Variants in CELSR1 observed in about 807,000 individuals in gnomAD.
CELSR1 encodes cadherin EGF LAG seven-pass G-type receptor 1, also known as adhesion G protein-coupled receptor C1.
In CELSR1, 110 loss-of-function variants were observed where a neutral mutation model predicts 249.1. That is an observed-to-expected ratio of 0.44 (90% CI 0.38 to 0.52). The LOEUF is 0.52. Ranked by LOEUF, CELSR1 falls within the 20% of genes least tolerant of loss-of-function variation. The probability of loss-of-function intolerance (pLI) is 0.00; values close to 1 mark genes in which losing one functional copy is unlikely to be tolerated. For missense variants in CELSR1, 4,109 were observed against 4,296.4 expected (o/e 0.96, Z 1.22); for synonymous variants, 2,113 against 1,900.0 (o/e 1.11, Z -2.92).
chr22:46,452,580 C>T lies in CELSR1; in HGVS notation c.4183+11127G>A, dbSNP rs916646425. Among the ~76,000 whole-genome samples, 4 of 152,226 alleles carry T rather than the reference C, an allele frequency of 2.6e-5. No individual in the cohort carries two copies. In the East Asian group the frequency reaches 5.8e-4, roughly 22 times the overall value. On this transcript the variant is annotated intron_variant, in intron 2 of 34. Transcript: ENST00000674500. ...CCCCAGCACCAACCTGGGTACAGAA[C>T]CCCATCTCGACTCCCCCTGCAGGGC...
Position 46,446,167 on chromosome 22 carries a change from C to A in CELSR1, c.4184-6756G>T, listed in dbSNP as rs924449556. 6.6e-6 allele frequency among the ~76,000 whole-genome samples: 1 copy of A among 152,224 alleles called. No individual in the cohort carries two copies. Among genetic ancestry groups the A allele is most frequent in the South Asian group, 2.1e-4 (1 of 4,832 alleles). On this transcript the variant is annotated intron_variant, in intron 2 of 34. Coordinates refer to ENST00000674500, the MANE Select transcript of CELSR1 (RefSeq NM_001378328.1). This position sits in a 1 kb window ranked among gnomAD's most constrained non-coding sequence, Gnocchi z 5.5. ...CATACTCACGAGCCTGTGCCGGCCC[C>A]ACTGTCTCCCTCCTCCCAGGGCAGC...
At position 46,534,476 on chromosome 22, in the gene CELSR1, C is replaced by T. The variant is rs749219554; in HGVS notation, c.2695G>A (p.Gly899Ser). ...GGTGGAGCATCCTCAAAGATGGAAC[C>T]CTGGTAGAAATCCCACAGGAACTGG... is the stretch of plus-strand genomic sequence containing the variant. ...APQFLWDFYQ[G>S]SIFEDAPPST... The change falls in exon 1 of 35, where the codon GGT (glycine) becomes AGT (serine). Residue 899 changes from glycine (G) to serine (S), a missense_variant. Gly to Ser is a moderately conservative substitution (Grantham distance 56). Around this residue, in one of 7 missense-constraint regions of CELSR1, gnomAD observed 886 missense variants for 896.5 expected, o/e 0.99. Coordinates refer to ENST00000674500, the MANE Select transcript of CELSR1 (RefSeq NM_001378328.1). This position sits in a 1 kb window ranked among gnomAD's most constrained non-coding sequence, Gnocchi z 9.7. 1.9e-6 allele frequency: 3 copies of T among 1,613,182 alleles called. No homozygotes were observed. The highest frequency in any genetic ancestry group is 3.3e-5 in the Admixed American group (2 of 60,012).
chr22:46,401,892 G>A lies in CELSR1; in HGVS notation c.5227-1990C>T, dbSNP rs766354331. ...ACCTGAGGTCAGGAGTTTGAGACCA[G>A]CCTGACCAACAAGGTGAAACCCCAT... is the stretch of plus-strand genomic sequence containing the variant. On this transcript the variant is annotated intron_variant, in intron 9 of 34. Coordinates refer to ENST00000674500, the MANE Select transcript of CELSR1 (RefSeq NM_001378328.1). This position sits in a 1 kb window ranked among gnomAD's most constrained non-coding sequence, Gnocchi z 4.7. Among the ~76,000 whole-genome samples the A allele has an allele frequency of 6.6e-6, 1 of 152,000 alleles. No homozygotes were observed. The highest frequency in any genetic ancestry group is 6.5e-5 in the Admixed American group (1 of 15,272).
intron 13 of CELSR1, 94 bp from the exon 14 acceptor site, chr22:46,394,356 A>G: frequency 6.9e-7 from 1 of 1,450,806 alleles, no homozygotes; most frequent in Non-Finnish European, 9.3e-7. Context: ...ATGGTTGCCC[A>G]GGAGGCCTGG....
intron 26 of CELSR1, among the ~76,000 whole-genome samples, 165 bp from the exon 27 acceptor site, chr22:46,369,423 C>G (rs1181010300): frequency 6.6e-6 from 1 of 152,248 alleles, no homozygotes; most frequent in Non-Finnish European, 1.5e-5. Context: ...CACTGCCCCA[C>G]AGCGCCCACC....
At chr22:46,452,904 TC>T (rs1486625471) in intron 2 of CELSR1, among the ~76,000 whole-genome samples, 28 of 152,232 alleles carry the variant, frequency 1.8e-4, no homozygotes, top group Non-Finnish European at 1.8e-4. Flanking sequence ...TAGTTGCTTT[TC>T]TCCAGGGGCC....
At chr22:46,531,592 G>C (rs1027003950) in intron 1 of CELSR1, among the ~76,000 whole-genome samples, 13 of 152,218 alleles carry the variant, frequency 8.5e-5, no homozygotes, top group Non-Finnish European at 1.6e-4. Context: ...AAGGAAGAGA[G>C]GGGAATGCGA....
In CELSR1 at chr22:46,409,777, G is replaced by A. The variant is rs754094473; in HGVS notation, c.5037C>T (p.Phe1679=). 7 of 1,613,716 alleles carry A rather than the reference G, an allele frequency of 4.3e-6. No individual in the cohort carries two copies. The highest frequency in any genetic ancestry group is 2.7e-5 in the African/African-American group (2 of 75,042). Residue 1679 remains phenylalanine, a synonymous_variant, in exon 8 of 35, where the codon TTC becomes TTT. Coordinates refer to ENST00000674500, the MANE Select transcript of CELSR1 (RefSeq NM_001378328.1). The surrounding 1 kb of genome is among the most constrained non-coding windows in gnomAD (Gnocchi z 9.8). The part of the protein sequence containing the change: ...NMYLCECPLR[F]GGKNCEQAMP... ...CACCTTGCTCACAGTTCTTCCCGCCGAATCGGAGTGGACACTCACACAGAT... is the reference window on the plus strand; with the variant it reads ...CACCTTGCTCACAGTTCTTCCCGCCAAATCGGAGTGGACACTCACACAGAT...
chr22:46,411,905 CCCCAAACTAGCTGTGCTGGGCTG>C lies in CELSR1; in HGVS notation c.4612-169_4612-147del. 1 of 983,310 alleles carries C rather than the reference CCCCAAACTAGCTGTGCTGGGCTG, an allele frequency of 1.0e-6. No individual in the cohort carries two copies. The highest frequency in any genetic ancestry group is 1.5e-6 in the Non-Finnish European group (1 of 654,570). 60.9% of individuals were successfully genotyped at this position (983,310 alleles called of 1,614,324 possible). A position where few individuals can be genotyped will look rare whatever the true frequency, so the allele number is the denominator to read the frequency against. ...GATGAGGAGCCCCCGGCCTTTAGTT[CCCCAAACTAGCTGTGCTGGGCTG>C]CTCAATGCCCCCTCAAGTTCTGCTT... On this transcript the variant is annotated intron_variant, in intron 5 of 34. Transcript: ENST00000674500. The surrounding 1 kb of genome is among the most constrained non-coding windows in gnomAD (Gnocchi z 4.2).
chr22:46,439,480 C>T (rs117980302), intron 2 of CELSR1, 69 bp from the exon 3 acceptor site: 26,684 of 1,353,594 alleles, frequency 0.02, 339 homozygotes, highest in South Asian at 0.026. Context: ...ACGAGCCTGT[C>T]GCAGACCCTG....
chr22:46,460,655 C>T lies in CELSR1; in HGVS notation c.4183+3052G>A, dbSNP rs116071450. ...GGGTTGTTTAGGACTCTCTGCAGAG[C>T]GGAGAAACTGGGAGGCCATCCCAGG... On this transcript the variant is annotated intron_variant, in intron 2 of 34. Transcript: ENST00000674500. 2.9e-3 allele frequency among the ~76,000 whole-genome samples: 444 copies of T among 152,268 alleles called. 2 individuals are homozygous for T. The highest frequency in any genetic ancestry group is 0.01 in the African/African-American group (417 of 41,548).
intron 1 of CELSR1, among the ~76,000 whole-genome samples, chr22:46,469,984 AGGG>A (rs2080137995): frequency 1.5e-5 from 2 of 130,200 alleles, no homozygotes; most frequent in African/African-American, 2.8e-5. Context: ...AGGGAGGAGG[AGGG>A]GAGGGAGGGA....
chr22:46,397,508 G>C (rs9615984), intron 12 of CELSR1, among the ~76,000 whole-genome samples, 166 bp downstream of exon 12: 1 of 152,076 alleles, frequency 6.6e-6, no homozygotes. Flanking sequence ...AAGAGGCTCA[G>C]AGTCTCTCTC....
intron 1 of CELSR1, among the ~76,000 whole-genome samples, chr22:46,523,277 C>T (rs1342129073): frequency 6.6e-6 from 1 of 152,192 alleles, no homozygotes; most frequent in East Asian, 1.9e-4. Flanking sequence ...GCCTGTAATC[C>T]CAGCACTTTG....
intron 30 of CELSR1, among the ~76,000 whole-genome samples, chr22:46,366,148 T>G (rs1602021651): frequency 1.9e-4 from 1 of 5,168 alleles, no homozygotes. Context: ...AAAAGGTTGG[T>G]TGGGGGAAGT....
At position 46,434,859 on chromosome 22, in the gene CELSR1, T is replaced by C. The variant is rs952304398; in HGVS notation, c.4522+1315A>G. On this transcript the variant is annotated intron_variant, in intron 4 of 34. Transcript: ENST00000674500. The surrounding 1 kb of genome is among the most constrained non-coding windows in gnomAD (Gnocchi z 4.9). ...TAAAAATACAAAAATTAGCCGGGCA[T>C]GGTGAAACGTGCCTGTATTCCCAGC... Among the ~76,000 whole-genome samples, 1 of 152,072 alleles carries C rather than the reference T, an allele frequency of 6.6e-6. No individual in the cohort carries two copies. Among genetic ancestry groups the C allele is most frequent in the Non-Finnish European group, 1.5e-5 (1 of 68,018 alleles).
Position 46,391,432 on chromosome 22 carries a change from ATGTCAGAGCTGGAGAGGGGTG to A in CELSR1, c.6149-166_6149-146del. The A allele has an allele frequency of 1.1e-6, 1 of 892,320 alleles. No individual in the cohort carries two copies. The highest frequency in any genetic ancestry group is 1.7e-5 in the South Asian group (1 of 58,958). 55.3% of individuals were successfully genotyped at this position (892,320 alleles called of 1,614,324 possible). On this transcript the variant is annotated intron_variant, in intron 15 of 34. Transcript: ENST00000674500. The surrounding 1 kb of genome is among the most constrained non-coding windows in gnomAD (Gnocchi z 4.3). Reference sequence around the variant, plus strand: ...CCTAGCATCTCCCCTGCCCCCATCCATGTCAGAGCTGGAGAGGGGTGACCAGGCTCTGACCCACACCCCCTC... The same window carrying A: ...CCTAGCATCTCCCCTGCCCCCATCCAACCAGGCTCTGACCCACACCCCCTC...
rs562705089 is a variant in CELSR1 at position 46,395,656 on chromosome 22, G to A, written c.5843+949C>T. On this transcript the variant is annotated intron_variant, in intron 13 of 34. Coordinates refer to ENST00000674500, the MANE Select transcript of CELSR1 (RefSeq NM_001378328.1). This position sits in a 1 kb window ranked among gnomAD's most constrained non-coding sequence, Gnocchi z 5.5. Reference sequence around the variant, plus strand: ...TCATGGGGTCACAGCCGGGATCACAGCACCTGCTCTAGGCTCGGGAGGACA... The same window carrying A: ...TCATGGGGTCACAGCCGGGATCACAACACCTGCTCTAGGCTCGGGAGGACA... Among the ~76,000 whole-genome samples the A allele has an allele frequency of 1.3e-5, 2 of 152,326 alleles. No homozygotes were observed. Among genetic ancestry groups the A allele is most frequent in the South Asian group, 2.1e-4 (1 of 4,828 alleles).
rs935927201 is a variant in CELSR1, at chr22:46,407,056, C to T, written c.5226+1940G>A. Among the ~76,000 whole-genome samples, 3 of 152,172 alleles carry T rather than the reference C, an allele frequency of 2.0e-5. No individual in the cohort carries two copies. In the South Asian group the frequency reaches 6.2e-4, roughly 31 times the overall value. On this transcript the variant is annotated intron_variant, in intron 9 of 34. Transcript: ENST00000674500. This position sits in a 1 kb window ranked among gnomAD's most constrained non-coding sequence, Gnocchi z 4.8. Reference sequence around the variant, plus strand: ...AGGGTGAGTGTTCCCGTGTGGCCGACCCCAAGGCAGGAGAGGAGGCTAACC... The same window carrying T: ...AGGGTGAGTGTTCCCGTGTGGCCGATCCCAAGGCAGGAGAGGAGGCTAACC...
Sources: allele counts gnomAD v4.1 joint callset (sites outside exome capture counted in the v4.1 genomes callset), GRCh38; gene constraint gnomAD v4.1.1; regional missense constraint gnomAD v4.1.1; non-coding constraint Gnocchi (gnomAD v3.1); transcripts MANE v1.5; gene names NCBI Gene and HGNC (gene_info 2026-07-23, HGNC 2026-07-21).